Variants in RGS6 observed in about 807,000 individuals in gnomAD.
RGS6 encodes regulator of G protein signaling 6, also known as regulator of G-protein signaling 6.
A neutral mutation model predicts 78.5 loss-of-function variants in RGS6; 30 were observed. That is an observed-to-expected ratio of 0.38 (90% CI 0.29 to 0.52). RGS6 has a LOEUF of 0.52. RGS6 is among the 20% of genes least tolerant of loss of function. The pLI, the probability that RGS6 is intolerant of heterozygous loss-of-function variation, is 0.85. For missense variants in RGS6, 495 were observed against 609.7 expected, an observed-to-expected ratio of 0.81 and a Z score of 1.98; for synonymous variants, 206 against 206.0, an observed-to-expected ratio of 1.00 and a Z score of 0.00.
At chr14:72,016,138 T>C (rs1431441474) in intron 2 of RGS6, among the ~76,000 whole-genome samples, 1 of 152,240 alleles carries the variant, frequency 6.6e-6, no homozygotes, top group East Asian at 1.9e-4. Context: ...TATCCCAATG[T>C]CATAAGAATA....
intron 2 of RGS6, among the ~76,000 whole-genome samples, chr14:72,217,265 G>A (rs2045816227): frequency 6.6e-6 from 1 of 152,322 alleles, no homozygotes; most frequent in Non-Finnish European, 1.5e-5. Context: ...TAATCAAGGT[G>A]ATATGGGAGC....
chr14:72,395,487 C>T (rs944430458), intron 3 of RGS6, among the ~76,000 whole-genome samples: 12 of 152,042 alleles, frequency 7.9e-5, no homozygotes, highest in South Asian at 2.1e-4. Flanking sequence ...TAAAGTAACA[C>T]GAGAGGAATT....
chr14:72,088,325 A>G (rs2095133236), intron 2 of RGS6, among the ~76,000 whole-genome samples: 1 of 152,076 alleles, frequency 6.6e-6, no homozygotes, highest in African/African-American at 2.4e-5. Context: ...TATCACACAA[A>G]TGTGTTTCTG....
intron 15 of RGS6, among the ~76,000 whole-genome samples, chr14:72,522,571 A>G (rs2097060365): frequency 1.3e-5 from 2 of 152,262 alleles, no homozygotes; most frequent in Non-Finnish European, 2.9e-5. Context: ...AAAAGCAGCT[A>G]CAATGCAACA....
At chr14:71,870,261 G>C in the RGS6 span, among the ~76,000 whole-genome samples, 1 of 152,140 alleles carries the variant, frequency 6.6e-6, no homozygotes, top group Non-Finnish European at 1.5e-5. Context: ...AAAGAAAACA[G>C]AATAGCCAGA....
intron 2 of RGS6, among the ~76,000 whole-genome samples, chr14:72,257,050 C>T (rs896922388): frequency 6.6e-6 from 1 of 152,292 alleles, no homozygotes; most frequent in African/African-American, 2.4e-5. Flanking sequence ...TTCAGTGAGA[C>T]TTTTGCCAGT....
intron 2 of RGS6, among the ~76,000 whole-genome samples, chr14:72,332,992 G>A (rs138505414): frequency 6.6e-6 from 1 of 152,284 alleles, no homozygotes; most frequent in Non-Finnish European, 1.5e-5. Flanking sequence ...GGCTGAATTT[G>A]TGTGGCAGTC....
chr14:72,250,505 T>G (rs1222391255), intron 2 of RGS6, among the ~76,000 whole-genome samples: 1 of 150,552 alleles, frequency 6.6e-6, no homozygotes, highest in Non-Finnish European at 1.5e-5. Context: ...AAATAAATCA[T>G]AGTATCTGAG....
intron 3 of RGS6, among the ~76,000 whole-genome samples, chr14:72,404,490 T>G (rs150939869): frequency 6.6e-6 from 1 of 152,276 alleles, no homozygotes; most frequent in East Asian, 1.9e-4. Flanking sequence ...TGCCACCTTC[T>G]CTGCTGCCAA....
chr14:72,498,501 C>A (rs2096674531), intron 13 of RGS6, among the ~76,000 whole-genome samples: 1 of 152,184 alleles, frequency 6.6e-6, no homozygotes, highest in Admixed American at 6.5e-5. Flanking sequence ...CTGGTCCTCA[C>A]ACACAGCCAA....
intron 3 of RGS6, among the ~76,000 whole-genome samples, chr14:72,408,530 G>T (rs1252908303): frequency 6.6e-6 from 1 of 152,140 alleles, no homozygotes; most frequent in Non-Finnish European, 1.5e-5. Context: ...GATAAAATCT[G>T]TCTTGTCCTC....
chr14:72,505,432 C>T (rs938558299), intron 13 of RGS6, among the ~76,000 whole-genome samples: 2 of 152,190 alleles, frequency 1.3e-5, no homozygotes, highest in Non-Finnish European at 2.9e-5. Flanking sequence ...GTACTAATCC[C>T]ACTCATGACC....
intron 13 of RGS6, 21 bp from the exon 14 acceptor site, chr14:72,510,133 C>A (rs1022993084): frequency 6.3e-7 from 1 of 1,576,576 alleles, no homozygotes; most frequent in South Asian, 1.2e-5. Context: ...CTTCTTTAAA[C>A]CTTCTTCCTT....
At chr14:72,348,416 T>A (rs1318004648) in intron 2 of RGS6, among the ~76,000 whole-genome samples, 1 of 152,230 alleles carries the variant, frequency 6.6e-6, no homozygotes, top group Non-Finnish European at 1.5e-5. Flanking sequence ...TAGGGCAGTA[T>A]TGATCATGAA....
At chr14:72,316,411 A>G (rs2070224923) in intron 2 of RGS6, among the ~76,000 whole-genome samples, 1 of 151,932 alleles carries the variant, frequency 6.6e-6, no homozygotes, top group Non-Finnish European at 1.5e-5. Context: ...AACAGGCCCC[A>G]GTGTGTGATG....
intron 7 of RGS6, among the ~76,000 whole-genome samples, chr14:72,466,332 T>C (rs2153275894): frequency 6.6e-6 from 1 of 152,350 alleles, no homozygotes; most frequent in South Asian, 2.1e-4. Context: ...GGCAGTTTCT[T>C]ATAAAGTTAA....
chr14:72,282,232 CT>C (rs1250534794), intron 2 of RGS6, among the ~76,000 whole-genome samples: 1 of 152,290 alleles, frequency 6.6e-6, no homozygotes, highest in East Asian at 1.9e-4. Context: ...CTGCGAGTCA[CT>C]TTTCTCTATC....
intron 3 of RGS6, among the ~76,000 whole-genome samples, chr14:72,450,771 G>T (rs904408073): frequency 6.6e-6 from 1 of 152,174 alleles, no homozygotes; most frequent in South Asian, 2.1e-4. Context: ...AAGGGTGATC[G>T]TGGGTTAGCA....
At chr14:72,599,502 G>A in the RGS6 span, among the ~76,000 whole-genome samples, 33 of 125,944 alleles carry the variant, frequency 2.6e-4, no homozygotes, top group African/African-American at 9.9e-4. Context: ...TCCGCCTCCC[G>A]AGTTCACACC....
Sources: gnomAD v4.1 joint callset for allele counts (sites outside exome capture counted in the v4.1 genomes callset) on GRCh38, gnomAD v4.1.1 for gene constraint, MANE v1.5 for transcripts, NCBI Gene and HGNC (gene_info 2026-07-23, HGNC 2026-07-21) for gene names.